The following TMEM135 variants were observed in gnomAD, a reference collection of about 807,000 sequenced individuals.
TMEM135 encodes transmembrane protein 135, also known as peroxisomal membrane protein 52.
In TMEM135, 30 loss-of-function variants were observed where a neutral mutation model predicts 60.3. The ratio of observed to expected loss-of-function variants is 0.50; its 90% CI spans 0.37 to 0.68. The LOEUF (loss-of-function observed/expected upper bound fraction) is 0.68. Among genes scored for constraint, TMEM135 ranks in the 30% least tolerant of loss-of-function variants. TMEM135 has a pLI of 0.00. For synonymous variants in TMEM135, 190 were observed against 186.7 expected (o/e 1.02, Z -0.14); for missense variants, 468 against 548.8 (o/e 0.85, Z 1.47).
At chr11:87,222,438 G>A (rs1330858163) in intron 5 of TMEM135, among the ~76,000 whole-genome samples, 1 of 149,532 alleles carries the variant, frequency 6.7e-6, no homozygotes, top group African/African-American at 2.5e-5. Context: ...GGCTGAGCTT[G>A]CAGTGAGCCG....
chr11:87,137,207 T>C (rs1938126053), intron 4 of TMEM135, among the ~76,000 whole-genome samples: 2 of 152,062 alleles, frequency 1.3e-5, no homozygotes, highest in African/African-American at 4.8e-5. Context: ...TTCTGATAAT[T>C]TGTCCCTTTT....
intron 4 of TMEM135, among the ~76,000 whole-genome samples, chr11:87,094,255 T>C (rs967026362): frequency 1.3e-5 from 2 of 152,206 alleles, no homozygotes; most frequent in South Asian, 4.1e-4. Flanking sequence ...AAAAACCAAA[T>C]TACATATGGC....
intron 5 of TMEM135, among the ~76,000 whole-genome samples, chr11:87,225,726 G>A (rs921929563): frequency 9.9e-5 from 15 of 152,016 alleles, no homozygotes; most frequent in African/African-American, 3.6e-4. Context: ...ACTTTTTAGA[G>A]GCAGAGGGGT....
chr11:87,098,308 A>G (rs1857376944), intron 4 of TMEM135, among the ~76,000 whole-genome samples: 1 of 152,210 alleles, frequency 6.6e-6, no homozygotes, highest in South Asian at 2.1e-4. Context: ...TGTTTATTTT[A>G]AAGCTTGTTT....
intron 10 of TMEM135, 135 bp from the exon 11 acceptor site, chr11:87,313,290 C>G (rs998847035): frequency 8.2e-5 from 54 of 661,744 alleles, no homozygotes; most frequent in Admixed American, 4.2e-4. Flanking sequence ...ATCATGTATG[C>G]AGTTTGATTT....
At chr11:87,046,647 C>T (rs1015538829) in intron 1 of TMEM135, among the ~76,000 whole-genome samples, 12 of 152,122 alleles carry the variant, frequency 7.9e-5, no homozygotes, top group Non-Finnish European at 1.8e-4. Flanking sequence ...GAAACTGAGG[C>T]TAGAGATTTA....
intron 10 of TMEM135, among the ~76,000 whole-genome samples, chr11:87,311,741 G>A (rs769137113): frequency 1.3e-5 from 2 of 151,998 alleles, no homozygotes; most frequent in African/African-American, 2.4e-5. Flanking sequence ...AATTGCCCAT[G>A]CTATAGTATC....
In TMEM135 at chr11:87,157,321, T is replaced by C; in HGVS notation, c.397-20T>C. ...ATTGTAGATCATATATTTTTGCTGT[T>C]TTTTTTTTTTAATTTACAGGCCACA... is the stretch of plus-strand genomic sequence containing the variant. On this transcript the variant is annotated intron_variant, in intron 4 of 14. Coordinates refer to ENST00000305494, the MANE Select transcript of TMEM135 (RefSeq NM_022918.4). 1 of 1,272,752 alleles carries C rather than the reference T, an allele frequency of 7.9e-7. No individual in the cohort carries two copies. The highest frequency in any genetic ancestry group is 4.4e-5 in the East Asian group (1 of 22,500). 78.8% of individuals were successfully genotyped at this position (1,272,752 alleles called of 1,614,324 possible). A position where few individuals can be genotyped will look rare whatever the true frequency, so the allele number is the denominator to read the frequency against.
At chr11:87,248,110 C>G (rs1941331055) in intron 6 of TMEM135, among the ~76,000 whole-genome samples, 1 of 151,882 alleles carries the variant, frequency 6.6e-6, no homozygotes, top group East Asian at 1.9e-4. Context: ...TTGATGGGAA[C>G]TTATATTGCT....
At chr11:87,237,632 GAT>G in intron 6 of TMEM135, among the ~76,000 whole-genome samples, 1 of 151,906 alleles carries the variant, frequency 6.6e-6, no homozygotes, top group Non-Finnish European at 1.5e-5. Flanking sequence ...TTGATACAGG[GAT>G]ATGATGAATA....
chr11:87,199,801 G>A (rs1299488160), intron 5 of TMEM135, among the ~76,000 whole-genome samples: 2 of 152,046 alleles, frequency 1.3e-5, no homozygotes, highest in Non-Finnish European at 1.5e-5. Context: ...GTGGTGGCAC[G>A]CGCCTGTAAT....
chr11:87,161,090 G>C (rs1938864551), intron 5 of TMEM135, among the ~76,000 whole-genome samples: 1 of 152,036 alleles, frequency 6.6e-6, no homozygotes, highest in Non-Finnish European at 1.5e-5. Flanking sequence ...AGTAGAGATG[G>C]GGTTTCACCA....
intron 10 of TMEM135, among the ~76,000 whole-genome samples, chr11:87,311,990 T>G (rs1942647323): frequency 1.3e-5 from 2 of 151,842 alleles, no homozygotes; most frequent in South Asian, 4.1e-4. Context: ...TGGTTTCTTT[T>G]AGGCTGCAGA....
chr11:87,105,401 T>A (rs555607798), intron 4 of TMEM135, among the ~76,000 whole-genome samples: 23 of 152,178 alleles, frequency 1.5e-4, no homozygotes, highest in Non-Finnish European at 2.6e-4. Flanking sequence ...CTTATGATGA[T>A]CTGAGGTGGA....
At chr11:87,079,921 A>G (rs1166302928) in intron 3 of TMEM135, among the ~76,000 whole-genome samples, 2 of 142,690 alleles carry the variant, frequency 1.4e-5, no homozygotes, top group Non-Finnish European at 3.0e-5. Flanking sequence ...GGCTCACTGC[A>G]ACCTCTGCCT....
chr11:87,156,024 C>T (rs375474663), intron 4 of TMEM135, among the ~76,000 whole-genome samples: 1 of 152,090 alleles, frequency 6.6e-6, no homozygotes, highest in Non-Finnish European at 1.5e-5. Flanking sequence ...CTGATTTATG[C>T]TTAATTATAA....
chr11:87,044,984 G>T (rs1949782552), intron 1 of TMEM135, among the ~76,000 whole-genome samples: 1 of 151,386 alleles, frequency 6.6e-6, no homozygotes, highest in South Asian at 2.1e-4. Flanking sequence ...TTGAATAATG[G>T]GTTTTCCTAT....
intron 6 of TMEM135, among the ~76,000 whole-genome samples, chr11:87,247,763 C>T (rs1278343345): frequency 1.3e-5 from 2 of 152,158 alleles, no homozygotes; most frequent in Non-Finnish European, 2.9e-5. Context: ...TCTGTCACCC[C>T]TTTCTTTGAC....
intron 13 of TMEM135, 111 bp downstream of exon 13, chr11:87,318,346 T>C (rs958182399): frequency 1.5e-5 from 12 of 823,540 alleles, no homozygotes; most frequent in Admixed American, 2.3e-5. Flanking sequence ...AGTATTACAT[T>C]TTAAGCTTCT....
Sources: allele counts gnomAD v4.1 joint callset (sites outside exome capture counted in the v4.1 genomes callset), GRCh38; gene constraint gnomAD v4.1.1; transcripts MANE v1.5; gene names NCBI Gene and HGNC (gene_info 2026-07-23, HGNC 2026-07-21).